EPHA6: variants seen among roughly 807,000 people sequenced by gnomAD.
EPHA6 encodes the protein ephrin type-A receptor 6.
Under a neutral mutation model 112.0 loss-of-function variants are expected in EPHA6, and 50 were observed. The observed-to-expected ratio is 0.45, with a 90% CI of 0.36 to 0.56. EPHA6 has a LOEUF of 0.56. Among genes scored for constraint, EPHA6 ranks in the 20% least tolerant of loss-of-function variants. The probability of loss-of-function intolerance (pLI) is 0.00; values close to 1 mark genes in which losing one functional copy is unlikely to be tolerated. For missense variants in EPHA6, 1,280 were observed against 1,417.4 expected, an observed-to-expected ratio of 0.90 and a Z score of 1.56; for synonymous variants, 529 against 490.7, an observed-to-expected ratio of 1.08 and a Z score of -1.03.
At chr3:97,477,899 T>A (rs567937930) in intron 8 of EPHA6, among the ~76,000 whole-genome samples, 1 of 152,236 alleles carries the variant, frequency 6.6e-6, no homozygotes, top group South Asian at 2.1e-4. Flanking sequence ...AAATTTATCA[T>A]GTAACTATAC....
chr3:97,418,930 G>A (rs1035455091), intron 6 of EPHA6, among the ~76,000 whole-genome samples: 60 of 152,224 alleles, frequency 3.9e-4, no homozygotes, highest in African/African-American at 1.4e-3. Flanking sequence ...GTATATGCAG[G>A]TAATAAATGA....
At chr3:97,201,470 G>A (rs2077575341) in intron 3 of EPHA6, among the ~76,000 whole-genome samples, 1 of 151,996 alleles carries the variant, frequency 6.6e-6, no homozygotes, top group Non-Finnish European at 1.5e-5. Context: ...TCTTAATTGG[G>A]ATGCTTTTAT....
intron 1 of EPHA6, among the ~76,000 whole-genome samples, chr3:96,846,395 G>A (rs544605797): frequency 1.3e-5 from 2 of 152,072 alleles, no homozygotes; most frequent in African/African-American, 4.8e-5. Flanking sequence ...TGACCCACTC[G>A]GATTGAGGTG....
chr3:96,987,621 G>A lies in EPHA6; in HGVS notation c.742G>A (p.Asp248Asn). 6.2e-7 allele frequency: 1 copy of A among 1,612,492 alleles called. No individual in the cohort carries two copies. The highest frequency in any genetic ancestry group is 8.5e-7 in the Non-Finnish European group (1 of 1,178,678). ...TACAAAGATCGACACAATTGCTGCTGATGAGAGTTTTACCCAGATGGATTT... is the reference window on the plus strand; with the variant it reads ...TACAAAGATCGACACAATTGCTGCTAATGAGAGTTTTACCCAGATGGATTT... Reference protein sequence around the residue: ...QYTKIDTIAADESFTQMDLGD... With the variant: ...QYTKIDTIAANESFTQMDLGD... Residue 248 changes from aspartate (D) to asparagine (N), a missense_variant, in exon 3 of 18, where the codon GAT becomes AAT. Asp to Asn is a conservative substitution (Grantham distance 23). Transcript: ENST00000389672.
chr3:97,672,015 G>A lies in EPHA6; in HGVS notation c.2784+33933G>A, dbSNP rs907819493. Among the ~76,000 whole-genome samples, 21 of 152,180 alleles carry A rather than the reference G, an allele frequency of 1.4e-4. No individual in the cohort carries two copies. The South Asian group carries it at 2.9e-3, about 21-fold the overall frequency. ...GATACACTATACATTCCTGGATTGC[G>A]CAGTCCATCACTGTTCCTGAAAGGA... On this transcript the variant is annotated intron_variant, in intron 14 of 17. Coordinates refer to ENST00000389672, the MANE Select transcript of EPHA6 (RefSeq NM_001080448.3).
chr3:97,080,953 G>C (rs2046701050), intron 3 of EPHA6, among the ~76,000 whole-genome samples: 2 of 152,000 alleles, frequency 1.3e-5, no homozygotes, highest in South Asian at 4.1e-4. Flanking sequence ...ACTTTAAAAA[G>C]TAATGACTCA....
chr3:97,152,756 G>A (rs1327290736), intron 3 of EPHA6, among the ~76,000 whole-genome samples: 1 of 152,056 alleles, frequency 6.6e-6, no homozygotes, highest in Non-Finnish European at 1.5e-5. Context: ...TCCTTCTACA[G>A]TAAGAGGGCA....
At chr3:97,083,391 G>A (rs1257316147) in intron 3 of EPHA6, among the ~76,000 whole-genome samples, 2 of 151,842 alleles carry the variant, frequency 1.3e-5, no homozygotes, top group Non-Finnish European at 1.5e-5. Flanking sequence ...TTGACCATTC[G>A]TTAGCTTTGA....
At chr3:97,184,956 C>A (rs1407724447) in intron 3 of EPHA6, among the ~76,000 whole-genome samples, 10 of 152,176 alleles carry the variant, frequency 6.6e-5, no homozygotes, top group South Asian at 4.1e-4. Context: ...CAAAAACAAG[C>A]AATGGGGAAA....
At chr3:97,174,732 T>C (rs1208558069) in intron 3 of EPHA6, among the ~76,000 whole-genome samples, 1 of 151,868 alleles carries the variant, frequency 6.6e-6, no homozygotes, top group African/African-American at 2.4e-5. Flanking sequence ...GCCCATGTGT[T>C]GATCAGATTA....
chr3:97,411,997 C>T (rs1408970094), intron 6 of EPHA6, among the ~76,000 whole-genome samples: 1 of 152,010 alleles, frequency 6.6e-6, no homozygotes, highest in South Asian at 2.1e-4. Context: ...ATGAGGGGCT[C>T]TTGACCTGAT....
chr3:97,003,129 CAG>C (rs1254874725), intron 3 of EPHA6, among the ~76,000 whole-genome samples: 1 of 151,898 alleles, frequency 6.6e-6, no homozygotes, highest in East Asian at 1.9e-4. Context: ...TCTTTTGAGA[CAG>C]AGTTTCACTC....
At chr3:97,128,317 G>T (rs2048239127) in intron 3 of EPHA6, among the ~76,000 whole-genome samples, 1 of 152,152 alleles carries the variant, frequency 6.6e-6, no homozygotes, top group Non-Finnish European at 1.5e-5. Flanking sequence ...TTATAAACAT[G>T]CATGCCAGTG....
intron 11 of EPHA6, among the ~76,000 whole-genome samples, chr3:97,563,833 T>C (rs1272277645): frequency 3.3e-5 from 5 of 152,192 alleles, no homozygotes; most frequent in Non-Finnish European, 1.5e-5. Context: ...ATAATGTTTT[T>C]CAACAAATAA....
At chr3:97,480,486 C>T (rs2091499911) in intron 9 of EPHA6, among the ~76,000 whole-genome samples, 1 of 152,194 alleles carries the variant, frequency 6.6e-6, no homozygotes, top group Non-Finnish European at 1.5e-5. Context: ...CATCTTGCAC[C>T]GCCCTTAATC....
chr3:97,717,737 A>C (rs1040382232), intron 14 of EPHA6, among the ~76,000 whole-genome samples: 9 of 152,246 alleles, frequency 5.9e-5, no homozygotes, highest in Non-Finnish European at 1.3e-4. Context: ...TGAGTTCATA[A>C]CAGGGAGCAA....
chr3:96,904,187 G>T (rs942049930), intron 2 of EPHA6, among the ~76,000 whole-genome samples: 1 of 151,940 alleles, frequency 6.6e-6, no homozygotes, highest in African/African-American at 2.4e-5. Flanking sequence ...ATTCACAATA[G>T]CAAAGACTTG....
chr3:97,442,415 G>T (rs915335774), intron 6 of EPHA6, among the ~76,000 whole-genome samples: 1 of 152,172 alleles, frequency 6.6e-6, no homozygotes, highest in South Asian at 2.1e-4. Context: ...GTGAAACCCC[G>T]TTTCTACTAA....
intron 3 of EPHA6, among the ~76,000 whole-genome samples, chr3:97,215,919 A>G (rs2078022121): frequency 1.3e-5 from 2 of 152,206 alleles, no homozygotes; most frequent in South Asian, 4.1e-4. Context: ...TATTGAACAT[A>G]TTAGTTTACC....
Sources: gnomAD v4.1 joint callset for allele counts (sites outside exome capture counted in the v4.1 genomes callset) on GRCh38, gnomAD v4.1.1 for gene constraint, MANE v1.5 for transcripts, NCBI Gene and HGNC (gene_info 2026-07-23, HGNC 2026-07-21) for gene names.